CSMD1: variants seen among roughly 807,000 people sequenced by gnomAD.
The protein encoded by CSMD1 is CUB and Sushi multiple domains 1.
In CSMD1, 213 loss-of-function variants were observed where a neutral mutation model predicts 417.5. That is an observed-to-expected ratio of 0.51 (90% CI 0.46 to 0.57). CSMD1 has a LOEUF of 0.57. CSMD1 is among the 20% of genes least tolerant of loss of function. CSMD1 has a pLI of 0.00. For synonymous variants in CSMD1, 2,862 were observed against 1,736.8 expected (o/e 1.65, Z -16.11); for missense variants, 6,923 against 4,529.7 (o/e 1.53, Z -15.17).
intron 3 of CSMD1, among the ~76,000 whole-genome samples, chr8:4,193,600 G>A (rs1016612226): frequency 2.6e-5 from 4 of 152,078 alleles, no homozygotes; most frequent in Non-Finnish European, 4.4e-5. Context: ...GGGTCCCACC[G>A]GGCCCTCTGA....
chr8:3,008,164 G>A (rs989683040), intron 52 of CSMD1, among the ~76,000 whole-genome samples: 1 of 152,162 alleles, frequency 6.6e-6, no homozygotes, highest in Admixed American at 6.5e-5. Flanking sequence ...TATGTCGCAA[G>A]CAAAATGTCA....
intron 5 of CSMD1, among the ~76,000 whole-genome samples, chr8:3,969,810 A>G (rs915926734): frequency 1.3e-5 from 2 of 152,188 alleles, no homozygotes; most frequent in Non-Finnish European, 2.9e-5. Context: ...TACCAAGAGA[A>G]AGACGGGGAG....
At chr8:3,756,475 CATAG>C (rs1305853852) in intron 5 of CSMD1, among the ~76,000 whole-genome samples, 4 of 151,938 alleles carry the variant, frequency 2.6e-5, no homozygotes, top group African/African-American at 7.3e-5. Context: ...ACTACAAACA[CATAG>C]ATATACACTG....
chr8:4,784,896 C>T (rs1489588717), intron 1 of CSMD1, among the ~76,000 whole-genome samples: 1 of 152,156 alleles, frequency 6.6e-6, no homozygotes, highest in African/African-American at 2.4e-5. Context: ...TTGAGCGAAT[C>T]TCATACTGAC....
At chr8:3,539,849 G>C (rs1039208426) in intron 10 of CSMD1, among the ~76,000 whole-genome samples, 3 of 151,938 alleles carry the variant, frequency 2.0e-5, no homozygotes, top group Admixed American at 1.3e-4. Flanking sequence ...GGAAAATCTG[G>C]TGGATAATTT....
chr8:4,102,112 A>G lies in CSMD1; in HGVS notation c.416-70013T>C, dbSNP rs551150745. On this transcript the variant is annotated intron_variant, in intron 3 of 69. Transcript: ENST00000635120. ...TTCTGAAGTAATGCTCATTGAAACA[A>G]ATAAGAAATATATAAAAACAAAAAC... Among the ~76,000 whole-genome samples, 5 of 152,334 alleles carry G rather than the reference A, an allele frequency of 3.3e-5. No individual in the cohort carries two copies. In the East Asian group the frequency reaches 5.8e-4, roughly 18 times the overall value.
chr8:3,678,466 G>T (rs180823704), intron 7 of CSMD1, among the ~76,000 whole-genome samples: 1 of 152,112 alleles, frequency 6.6e-6, no homozygotes, highest in Non-Finnish European at 1.5e-5. Context: ...ATGAAATGAA[G>T]TAAGAAGAGA....
chr8:3,371,064 G>C (rs534141594), intron 18 of CSMD1, among the ~76,000 whole-genome samples: 1 of 152,106 alleles, frequency 6.6e-6, no homozygotes, highest in Non-Finnish European at 1.5e-5. Flanking sequence ...AGAGCTCCTG[G>C]TTCTTGAACC....
At chr8:4,330,193 C>A (rs1473931453) in intron 3 of CSMD1, among the ~76,000 whole-genome samples, 1 of 124,170 alleles carries the variant, frequency 8.1e-6, no homozygotes, top group African/African-American at 2.6e-5. Context: ...TTATGAAATC[C>A]ACAATTTCTC....
At chr8:3,292,194 G>A (rs1034685132) in intron 25 of CSMD1, among the ~76,000 whole-genome samples, 2 of 152,198 alleles carry the variant, frequency 1.3e-5, no homozygotes, top group East Asian at 1.9e-4. Flanking sequence ...CTGAGAGACA[G>A]TTTGTTGTAA....
intron 47 of CSMD1, among the ~76,000 whole-genome samples, chr8:3,094,514 T>C (rs1419470537): frequency 6.6e-6 from 1 of 152,128 alleles, no homozygotes; most frequent in Non-Finnish European, 1.5e-5. Context: ...AAAGCACATA[T>C]TCAAACTGGC....
chr8:4,505,153 A>G (rs1456596703), intron 2 of CSMD1, among the ~76,000 whole-genome samples: 1 of 152,226 alleles, frequency 6.6e-6, no homozygotes, highest in African/African-American at 2.4e-5. Context: ...CCCCACAATG[A>G]TAAAAACCTG....
intron 3 of CSMD1, among the ~76,000 whole-genome samples, chr8:4,335,741 C>T (rs193238536): frequency 1.3e-5 from 2 of 152,062 alleles, no homozygotes; most frequent in African/African-American, 4.8e-5. Context: ...TAATAGGGCT[C>T]ACGGCAACAA....
chr8:4,890,887 C>A (rs1183488346), intron 1 of CSMD1, among the ~76,000 whole-genome samples: 1 of 152,230 alleles, frequency 6.6e-6, no homozygotes, highest in South Asian at 2.1e-4. Context: ...TTCAGCCAAA[C>A]CCCTAGAGCT....
chr8:3,130,840 G>C (rs1350061979), intron 41 of CSMD1, among the ~76,000 whole-genome samples: 2 of 152,106 alleles, frequency 1.3e-5, no homozygotes, highest in Non-Finnish European at 2.9e-5. Context: ...CAGCCTCTAT[G>C]GCTGCAACTT....
chr8:4,852,646 G>C (rs1430085433), intron 1 of CSMD1, among the ~76,000 whole-genome samples: 13 of 152,156 alleles, frequency 8.5e-5, no homozygotes, highest in Non-Finnish European at 4.4e-5. Flanking sequence ...TTGGAACTAG[G>C]TAATGGGTAG....
intron 3 of CSMD1, among the ~76,000 whole-genome samples, chr8:4,298,940 A>T (rs979754235): frequency 2.6e-5 from 4 of 152,082 alleles, no homozygotes; most frequent in Non-Finnish European, 4.4e-5. Context: ...ATAAACACAC[A>T]ATACATATAT....
intron 3 of CSMD1, among the ~76,000 whole-genome samples, chr8:4,130,052 G>C (rs746185279): frequency 6.6e-6 from 1 of 152,068 alleles, no homozygotes; most frequent in East Asian, 1.9e-4. Context: ...TATATTAGAA[G>C]AAAATGATCG....
intron 3 of CSMD1, among the ~76,000 whole-genome samples, chr8:4,297,751 T>C (rs911019784): frequency 6.6e-6 from 1 of 152,106 alleles, no homozygotes; most frequent in African/African-American, 2.4e-5. Context: ...CCACTAACGA[T>C]TAAGAACCAA....
Sources: gnomAD v4.1 joint callset for allele counts (sites outside exome capture counted in the v4.1 genomes callset) on GRCh38, gnomAD v4.1.1 for gene constraint, MANE v1.5 for transcripts, NCBI Gene and HGNC (gene_info 2026-07-23, HGNC 2026-07-21) for gene names.